VPS41: variants seen among roughly 807,000 people sequenced by gnomAD.
VPS41 encodes VPS41 subunit of HOPS complex.
VPS41 carries 85 observed loss-of-function variants against 130.9 expected under a neutral mutation model. The ratio of observed to expected loss-of-function variants is 0.65; its 90% confidence interval spans 0.55 to 0.78. The LOEUF is 0.78. Ranked by LOEUF, VPS41 falls within the 30% of genes least tolerant of loss-of-function variation. The pLI, the probability that VPS41 is intolerant of heterozygous loss-of-function variation, is 0.00. For synonymous variants in VPS41, 335 were observed against 332.9 expected (o/e 1.01, Z -0.07); for missense variants, 874 against 1,018.7 (o/e 0.86, Z 1.93).
intron 7 of VPS41, among the ~76,000 whole-genome samples, chr7:38,814,372 C>T (rs1416412071): frequency 1.3e-5 from 2 of 152,198 alleles, no homozygotes; most frequent in Non-Finnish European, 1.5e-5. Flanking sequence ...AGAACACAGG[C>T]CGGGCGTGGT....
intron 4 of VPS41, among the ~76,000 whole-genome samples, chr7:38,860,748 T>G (rs1786089952): frequency 6.8e-6 from 1 of 147,548 alleles, no homozygotes; most frequent in Non-Finnish European, 1.5e-5. Flanking sequence ...TGTGTGGACA[T>G]ACGCATCGCA....
chr7:38,852,899 C>G (rs1444413031), intron 4 of VPS41, among the ~76,000 whole-genome samples: 1 of 152,192 alleles, frequency 6.6e-6, no homozygotes, highest in Non-Finnish European at 1.5e-5. Flanking sequence ...ATACTCTGAA[C>G]TCCAAAGTCA....
chr7:38,851,256 A>G (rs746611160), intron 4 of VPS41, among the ~76,000 whole-genome samples: 5 of 152,166 alleles, frequency 3.3e-5, no homozygotes, highest in Non-Finnish European at 7.4e-5. Context: ...TAATATATTA[A>G]TTTTTTTCCA....
chr7:38,836,667 A>C lies in VPS41; in HGVS notation c.247-6339T>G, dbSNP rs113223338. ...AGAAATTTGAATTTTTTAGTCACCA[A>C]AATCAAACCAAGTAAACAGTCAATG... On this transcript the variant is annotated intron_variant, in intron 4 of 28. Transcript: ENST00000310301. Among the ~76,000 whole-genome samples, 88 of 111,074 alleles carry C rather than the reference A, an allele frequency of 7.9e-4. 1 individual carries two copies. The highest frequency in any genetic ancestry group is 2.6e-3 in the African/African-American group (81 of 30,584). The allele number at this position is 111,074 out of a possible 152,430, so 72.9% of individuals were successfully genotyped here.
intron 4 of VPS41, among the ~76,000 whole-genome samples, chr7:38,848,781 G>A (rs977051509): frequency 1.3e-5 from 2 of 152,024 alleles, no homozygotes; most frequent in Non-Finnish European, 2.9e-5. Context: ...TCCAGAACCC[G>A]TCAACCATCC....
intron 4 of VPS41, among the ~76,000 whole-genome samples, chr7:38,840,675 TAAAAC>T (rs1341004867): frequency 6.6e-6 from 1 of 152,068 alleles, no homozygotes; most frequent in Non-Finnish European, 1.5e-5. Context: ...AGTTCAGAAT[TAAAAC>T]AAAGTAATGC....
At chr7:38,737,124 C>T (rs983231666) in intron 25 of VPS41, among the ~76,000 whole-genome samples, 4 of 152,130 alleles carry the variant, frequency 2.6e-5, no homozygotes, top group Non-Finnish European at 5.9e-5. Flanking sequence ...ACCTGCCATG[C>T]CAGCACTTTG....
At chr7:38,873,396 A>C (rs2116353565) in intron 2 of VPS41, among the ~76,000 whole-genome samples, 1 of 152,178 alleles carries the variant, frequency 6.6e-6, no homozygotes, top group African/African-American at 2.4e-5. Context: ...TAAATAAAAA[A>C]CATTTAAAAG....
intron 19 of VPS41, among the ~76,000 whole-genome samples, chr7:38,756,600 A>G (rs983184083): frequency 6.6e-6 from 1 of 152,248 alleles, no homozygotes; most frequent in African/African-American, 2.4e-5. Context: ...CACAACTTTA[A>G]AAGTTCTCTA....
chr7:38,789,470 C>G (rs924349206), intron 10 of VPS41, among the ~76,000 whole-genome samples: 1 of 152,040 alleles, frequency 6.6e-6, no homozygotes. Context: ...GTCAGTGTGG[C>G]TGCAGCACAG....
At chr7:38,837,422 CTATA>C (rs1785518192) in intron 4 of VPS41, among the ~76,000 whole-genome samples, 1 of 152,220 alleles carries the variant, frequency 6.6e-6, no homozygotes, top group Admixed American at 6.5e-5. Flanking sequence ...TAGCACACAT[CTATA>C]CCAGGAGGGT....
intron 2 of VPS41, among the ~76,000 whole-genome samples, chr7:38,871,448 CTCATT>C (rs1340992559): frequency 6.6e-6 from 1 of 152,178 alleles, no homozygotes; most frequent in Non-Finnish European, 1.5e-5. Flanking sequence ...TATCAGATAT[CTCATT>C]TCATCCTGAC....
chr7:38,817,828 C>A lies in VPS41; in HGVS notation c.439G>T (p.Gly147Ter), dbSNP rs1425134978. 1 of 1,613,856 alleles carries A rather than the reference C, an allele frequency of 6.2e-7. No homozygotes were observed. Among genetic ancestry groups the A allele is most frequent in the East Asian group, 2.2e-5 (1 of 44,892 alleles). The change falls in exon 7 of 29, where the codon GGA becomes TGA. Residue 147 changes from glycine (G) to a stop codon, truncating the protein, a stop_gained. Coordinates refer to ENST00000310301, the MANE Select transcript of VPS41 (RefSeq NM_014396.4). LOFTEE classifies it high-confidence loss of function. ...VRSSCKQFVT[G>*]GKKLLLFERS... ...CACACAGCACTTACCTTCTTCCCTC[C>A]GGTCACAAACTGCTTGCAACTGGAT...
intron 22 of VPS41, among the ~76,000 whole-genome samples, chr7:38,747,214 C>A (rs1235111199): frequency 6.6e-6 from 1 of 151,934 alleles, no homozygotes; most frequent in Non-Finnish European, 1.5e-5. Flanking sequence ...ACTGCAGAGA[C>A]AAAAAACATA....
rs760819668 is a variant in VPS41, at chr7:38,758,333, G to C, written c.1550+21C>G. On this transcript the variant is annotated intron_variant, in intron 18 of 28. Coordinates refer to ENST00000310301, the MANE Select transcript of VPS41 (RefSeq NM_014396.4). ...TTCAACACAGACTGATATGGAAAAA[G>C]AAACACTTAAGTATACTCACAATTC... 1.8e-5 allele frequency: 29 copies of C among 1,585,250 alleles called. 1 individual carries two copies. The Middle Eastern group carries it at 1.9e-3, about 102-fold the overall frequency.
At chr7:38,851,101 C>T (rs190623210) in intron 4 of VPS41, among the ~76,000 whole-genome samples, 2 of 152,298 alleles carry the variant, frequency 1.3e-5, no homozygotes, top group East Asian at 3.9e-4. Flanking sequence ...ACATCACTCA[C>T]TATGTGTACA....
chr7:38,851,187 T>C (rs1308371182), intron 4 of VPS41, among the ~76,000 whole-genome samples: 3 of 152,218 alleles, frequency 2.0e-5, no homozygotes, highest in Non-Finnish European at 4.4e-5. Context: ...ACTCCTTCTA[T>C]ATAATTAGGG....
chr7:38,764,116 C>T (rs1783978427), intron 16 of VPS41, among the ~76,000 whole-genome samples: 1 of 152,204 alleles, frequency 6.6e-6, no homozygotes, highest in Non-Finnish European at 1.5e-5. Flanking sequence ...CCCCAAGGAG[C>T]TCACAAGTCC....
chr7:38,793,842 C>G (rs1244046980), intron 9 of VPS41, among the ~76,000 whole-genome samples: 2 of 152,130 alleles, frequency 1.3e-5, no homozygotes, highest in Non-Finnish European at 2.9e-5. Flanking sequence ...TTAGCATCTC[C>G]CTCTGCCTCC....
Sources: gnomAD v4.1 joint callset for allele counts (sites outside exome capture counted in the v4.1 genomes callset) on GRCh38, gnomAD v4.1.1 for gene constraint, MANE v1.5 for transcripts, NCBI Gene and HGNC (gene_info 2026-07-23, HGNC 2026-07-21) for gene names.